PTPN4: variants seen among roughly 807,000 people sequenced by gnomAD.
The protein encoded by PTPN4 is protein tyrosine phosphatase non-receptor type 4, also known as tyrosine-protein phosphatase non-receptor type 4.
A neutral mutation model predicts 135.5 loss-of-function variants in PTPN4; 49 were observed. That is an observed-to-expected ratio of 0.36 (90% confidence interval 0.29 to 0.46). The LOEUF (loss-of-function observed/expected upper bound fraction) is 0.46. Among genes scored for constraint, PTPN4 ranks in the 20% least tolerant of loss-of-function variants. The probability of loss-of-function intolerance (pLI) is 1.00; values close to 1 mark genes in which losing one functional copy is unlikely to be tolerated. For missense variants in PTPN4, 860 were observed against 1,101.0 expected, an observed-to-expected ratio of 0.78 and a Z score of 3.10; for synonymous variants, 333 against 369.9, an observed-to-expected ratio of 0.90 and a Z score of 1.14.
chr2:119,833,222 T>A (rs958233347), intron 2 of PTPN4, among the ~76,000 whole-genome samples: 1 of 152,094 alleles, frequency 6.6e-6, no homozygotes, highest in African/African-American at 2.4e-5. Flanking sequence ...TGTTTTATTC[T>A]TTCCATGTGG....
intron 12 of PTPN4, among the ~76,000 whole-genome samples, chr2:119,925,571 C>T (rs116612656): frequency 0.016 from 2,465 of 152,196 alleles, 32 homozygotes; most frequent in Non-Finnish European, 0.028. Context: ...GGTTAGACAT[C>T]TTGTAAATGA....
At chr2:119,768,348 AT>A (rs1322030546) in intron 1 of PTPN4, among the ~76,000 whole-genome samples, 3 of 151,846 alleles carry the variant, frequency 2.0e-5, no homozygotes, top group Non-Finnish European at 4.4e-5. Context: ...AGGAATCCTG[AT>A]TTTATTTTAC....
intron 2 of PTPN4, among the ~76,000 whole-genome samples, chr2:119,851,525 A>T (rs1034777599): frequency 3.9e-5 from 6 of 152,082 alleles, no homozygotes; most frequent in South Asian, 2.1e-4. Flanking sequence ...GGCTGTCCAT[A>T]TGCACAGTGC....
intron 9 of PTPN4, among the ~76,000 whole-genome samples, chr2:119,888,279 A>T (rs151018231): frequency 6.6e-6 from 1 of 152,156 alleles, no homozygotes; most frequent in East Asian, 1.9e-4. Context: ...ATATAAGATC[A>T]TATCATCAGC....
At chr2:119,843,647 C>T (rs1251440938) in intron 2 of PTPN4, among the ~76,000 whole-genome samples, 1 of 55,952 alleles carries the variant, frequency 1.8e-5, no homozygotes, top group African/African-American at 8.5e-5. Context: ...CCCTCCCGGA[C>T]GGGGCGGCTG....
chr2:119,965,333 C>T (rs978070686), intron 24 of PTPN4, among the ~76,000 whole-genome samples, 164 bp from the exon 25 acceptor site: 2 of 152,124 alleles, frequency 1.3e-5, no homozygotes, highest in Admixed American at 6.5e-5. Flanking sequence ...TATGAGGACG[C>T]GGGTCAGAGA....
chr2:119,772,841 TAAAG>T (rs1690759603), intron 1 of PTPN4, among the ~76,000 whole-genome samples: 1 of 152,170 alleles, frequency 6.6e-6, no homozygotes, highest in South Asian at 2.1e-4. Flanking sequence ...GCCTGGCCCT[TAAAG>T]AAATTTTAAA....
intron 22 of PTPN4, among the ~76,000 whole-genome samples, chr2:119,959,371 C>T (rs922387152): frequency 6.6e-6 from 1 of 152,130 alleles, no homozygotes; most frequent in Non-Finnish European, 1.5e-5. Context: ...ATTACTATTT[C>T]ACCTGAGATT....
intron 2 of PTPN4, among the ~76,000 whole-genome samples, chr2:119,818,644 C>G (rs1186268055): frequency 6.6e-6 from 1 of 152,160 alleles, no homozygotes; most frequent in Non-Finnish European, 1.5e-5. Context: ...TATTTGCTTT[C>G]TGGCCCTTTA....
At chr2:119,838,255 C>T (rs187668350) in intron 2 of PTPN4, among the ~76,000 whole-genome samples, 6 of 151,654 alleles carry the variant, frequency 4.0e-5, no homozygotes, top group African/African-American at 1.5e-4. Flanking sequence ...GGTACATGTG[C>T]AGGATGTACT....
Position 119,760,122 on chromosome 2 carries a change from A to C in PTPN4, c.-280A>C. 2.6e-6 allele frequency: 1 copy of C among 390,456 alleles called. No homozygotes were observed. The highest frequency in any genetic ancestry group is 4.5e-6 in the Non-Finnish European group (1 of 221,256). 24.2% of individuals were successfully genotyped at this position (390,456 alleles called of 1,614,324 possible). A position where few individuals can be genotyped will look rare whatever the true frequency, so the allele number is the denominator to read the frequency against. On this transcript the variant is annotated 5_prime_UTR_variant, in exon 1 of 27. Coordinates refer to ENST00000263708, the MANE Select transcript of PTPN4 (RefSeq NM_002830.4). ...CCACGCACTTTTGGGGGTGTGGATT[A>C]TCTCATCCCTGCAGGGAGGTAGGAG...
chr2:119,852,058 A>G (rs1677599987), intron 2 of PTPN4, among the ~76,000 whole-genome samples: 2 of 152,238 alleles, frequency 1.3e-5, no homozygotes, highest in South Asian at 4.1e-4. Flanking sequence ...ATTTATGCTT[A>G]ATAGATTCCT....
intron 24 of PTPN4, 44 bp from the exon 25 acceptor site, chr2:119,965,453 A>G: frequency 1.3e-6 from 2 of 1,538,682 alleles, no homozygotes; most frequent in African/African-American, 2.8e-5. Context: ...GGACAATTTC[A>G]ATAATACATA....
In PTPN4 at chr2:119,977,416, C is replaced by A; in HGVS notation, c.*346C>A. 5.7e-6 allele frequency: 1 copy of A among 174,440 alleles called. No individual in the cohort carries two copies. Among genetic ancestry groups the A allele is most frequent in the South Asian group, 1.7e-4 (1 of 5,788 alleles). The allele number at this position is 174,440 out of a possible 1,614,324, so 10.8% of individuals were successfully genotyped here. On this transcript the variant is annotated 3_prime_UTR_variant, in exon 27 of 27. Coordinates refer to ENST00000263708, the MANE Select transcript of PTPN4 (RefSeq NM_002830.4). The stretch of plus-strand genomic sequence containing the variant: ...AATTCTCATCATCTCTGTTATACAC[C>A]TGTATCATGAAAGCAAAAAGAAGTA...
chr2:119,827,698 A>G (rs910027054), intron 2 of PTPN4, among the ~76,000 whole-genome samples: 2 of 152,014 alleles, frequency 1.3e-5, no homozygotes, highest in Non-Finnish European at 2.9e-5. Flanking sequence ...TACTGTTACT[A>G]TTTGTCTCTT....
At chr2:119,797,999 T>A (rs1574339431) in intron 1 of PTPN4, among the ~76,000 whole-genome samples, 1 of 152,138 alleles carries the variant, frequency 6.6e-6, no homozygotes, top group South Asian at 2.1e-4. Context: ...AGTAGATTTA[T>A]CTTGGTTTTC....
chr2:119,780,003 C>T (rs545077357), intron 1 of PTPN4, among the ~76,000 whole-genome samples: 14 of 152,244 alleles, frequency 9.2e-5, no homozygotes, highest in African/African-American at 3.4e-4. Context: ...TCCTTGGCCT[C>T]TTAAAGTGCT....
rs146119991 is a variant in PTPN4, at chr2:119,915,100, A to G, written c.765-79A>G. The stretch of plus-strand genomic sequence containing the variant: ...AATGTTTAGATATTACTAAATATAC[A>G]CTTAAAACATTTTTTCATAATTTGT... On this transcript the variant is annotated intron_variant, in intron 10 of 26. Transcript: ENST00000263708. 9.1e-4 allele frequency: 1,095 copies of G among 1,205,444 alleles called. 6 individuals carry two copies. In the African/African-American group the frequency reaches 0.016, roughly 18 times the overall value. The allele number at this position is 1,205,444 out of a possible 1,614,324, so 74.7% of individuals were successfully genotyped here. A position where few individuals can be genotyped will look rare whatever the true frequency, so the allele number is the denominator to read the frequency against.
chr2:119,903,835 C>T (rs1678445334), intron 10 of PTPN4, among the ~76,000 whole-genome samples: 1 of 152,040 alleles, frequency 6.6e-6, no homozygotes, highest in Admixed American at 6.5e-5. Context: ...CTGGCATTTC[C>T]ATCCCCAATA....
Sources: allele counts gnomAD v4.1 joint callset (sites outside exome capture counted in the v4.1 genomes callset), GRCh38; gene constraint gnomAD v4.1.1; transcripts MANE v1.5; gene names NCBI Gene and HGNC (gene_info 2026-07-23, HGNC 2026-07-21).